ECT2L: variants seen among roughly 807,000 people sequenced by gnomAD.
The protein encoded by ECT2L is epithelial cell transforming 2 like.
A neutral mutation model predicts 122.8 loss-of-function variants in ECT2L; 126 were observed. The ratio of observed to expected loss-of-function variants is 1.03; its 90% CI spans 0.89 to 1.19. The LOEUF (loss-of-function observed/expected upper bound fraction) is 1.19, where lower values mean the gene tolerates loss of function less well. Ranked by LOEUF, ECT2L falls within the 50% of genes most tolerant of loss-of-function variation. The probability of loss-of-function intolerance (pLI) is 0.00; values close to 1 mark genes in which losing one functional copy is unlikely to be tolerated. For missense variants in ECT2L, 1,012 were observed against 1,064.1 expected (o/e 0.95, Z 0.68); for synonymous variants, 385 against 381.8 (o/e 1.01, Z -0.10).
intron 14 of ECT2L, chr6:138,879,142 G>A (rs1025528386): frequency 9.0e-6 from 2 of 221,502 alleles, no homozygotes; most frequent in Non-Finnish European, 1.8e-5. Flanking sequence ...TTGGCCATCT[G>A]ACAAATTGGA....
chr6:138,843,021 C>G lies in ECT2L; in HGVS notation c.385C>G (p.Leu129Val), dbSNP rs746975708. The change falls in exon 6 of 22, where the codon CTG (leucine) becomes GTG (valine). Residue 129 changes from leucine (L) to valine (V), a missense_variant. Physicochemically the swap from Leu to Val is conservative, Grantham distance 32 (BLOSUM62 1). Coordinates refer to ENST00000541398, the MANE Select transcript of ECT2L (RefSeq NM_001077706.3). ...CAAATGCGTTAAGTTCGGATGGTTT[C>G]TGCCCTATACTCCAACAGATAATGA... ...MPKCVKFGWF[L>V]PYTPTDNEYG... 1 of 1,593,704 alleles carries G rather than the reference C, an allele frequency of 6.3e-7. No individual in the cohort carries two copies. Among genetic ancestry groups the G allele is most frequent in the South Asian group, 1.1e-5 (1 of 88,298 alleles).
chr6:138,884,135 G>C (rs560221987), intron 16 of ECT2L, among the ~76,000 whole-genome samples: 20 of 152,216 alleles, frequency 1.3e-4, no homozygotes, highest in African/African-American at 4.8e-4. Context: ...CAAAGTGCTG[G>C]GATTACAGGT....
Position 138,902,694 on chromosome 6 carries a change from T to C in ECT2L, c.*67T>C, listed in dbSNP as rs1264343130. 6.4e-7 allele frequency: 1 copy of C among 1,569,638 alleles called. No individual in the cohort carries two copies. The highest frequency in any genetic ancestry group is 8.7e-7 in the Non-Finnish European group (1 of 1,147,282). On this transcript the variant is annotated 3_prime_UTR_variant, in exon 22 of 22. Transcript: ENST00000541398. ...AAAGACAGACAACATGTATTTTCTG[T>C]TCCAAAATATCCAGTAAGAAACAGA...
At chr6:138,839,022 C>T (rs571595318) in intron 5 of ECT2L, among the ~76,000 whole-genome samples, 69 of 152,304 alleles carry the variant, frequency 4.5e-4, no homozygotes, top group Admixed American at 2.2e-3. Flanking sequence ...CCTTGTGATC[C>T]GCCCGCCTCG....
intron 21 of ECT2L, 52 bp downstream of exon 21, chr6:138,901,172 T>C: frequency 7.1e-6 from 11 of 1,559,244 alleles, no homozygotes; most frequent in Non-Finnish European, 9.6e-6. Flanking sequence ...AGCTATATAA[T>C]GTAAAGCTCT....
rs571388572 is a variant in ECT2L at position 138,889,002 on chromosome 6, C to T, written c.2385C>T (p.Cys795=). The T allele has an allele frequency of 4.5e-6, 7 of 1,549,120 alleles. No homozygotes were observed. The highest frequency in any genetic ancestry group is 1.4e-5 in the African/African-American group (1 of 73,290). The change falls in exon 20 of 22, where the codon TGC becomes TGT. Residue 795 remains cysteine (C), a synonymous_variant. Coordinates refer to ENST00000541398, the MANE Select transcript of ECT2L (RefSeq NM_001077706.3). ...IRVQDVAQLH[C]CDEEISFSLR... is the part of the protein sequence containing the mutation. ...TACAAGATGTAGCCCAACTTCATTG[C>T]TGTGATGAAGAAATAAGTTTCTCTT...
chr6:138,869,925 T>C (rs952233449), intron 13 of ECT2L, among the ~76,000 whole-genome samples: 5 of 152,172 alleles, frequency 3.3e-5, no homozygotes. Flanking sequence ...TCCCATAAAA[T>C]TTTGGTGTCT....
intron 4 of ECT2L, among the ~76,000 whole-genome samples, chr6:138,832,354 G>T (rs550982146): frequency 6.6e-6 from 1 of 152,118 alleles, no homozygotes; most frequent in East Asian, 1.9e-4. Flanking sequence ...CTTCCCTCAT[G>T]GTGTTTTAGT....
At chr6:138,894,334 A>T (rs1432479661) in intron 20 of ECT2L, among the ~76,000 whole-genome samples, 2 of 151,992 alleles carry the variant, frequency 1.3e-5, no homozygotes, top group African/African-American at 4.8e-5. Flanking sequence ...GGATTACAGG[A>T]GTGAGCCACC....
chr6:138,891,678 G>C (rs1337585081), intron 20 of ECT2L, among the ~76,000 whole-genome samples: 3 of 152,158 alleles, frequency 2.0e-5, no homozygotes, highest in South Asian at 2.1e-4. Context: ...ATTGATGTTT[G>C]CCTGTAACTT....
intron 4 of ECT2L, among the ~76,000 whole-genome samples, chr6:138,837,908 T>TG (rs1285754141): frequency 1.3e-5 from 2 of 151,832 alleles, no homozygotes; most frequent in Admixed American, 6.6e-5. Flanking sequence ...AATACTTTTT[T>TG]TTTTTTTTTT....
rs35611410 is a variant in ECT2L at position 138,860,707 on chromosome 6, A to ATT, written c.1199-1901_1199-1900dup. ...TATATGTTGTGCCACTGAAGGGGCT[A>ATT]TTTTTTTTTTTTTTTTTTTTACTTT... is the stretch of plus-strand genomic sequence containing the variant. On this transcript the variant is annotated intron_variant, in intron 10 of 21. Coordinates refer to ENST00000541398, the MANE Select transcript of ECT2L (RefSeq NM_001077706.3). 8.6e-3 allele frequency among the ~76,000 whole-genome samples: 1,166 copies of ATT among 135,762 alleles called. 8 individuals are homozygous for ATT. The highest frequency in any genetic ancestry group is 0.032 in the South Asian group (136 of 4,202). 89.1% of individuals were successfully genotyped at this position (135,762 alleles called of 152,430 possible). A position where few individuals can be genotyped will look rare whatever the true frequency, so the allele number is the denominator to read the frequency against.
intron 4 of ECT2L, among the ~76,000 whole-genome samples, chr6:138,815,361 T>A (rs1463773410): frequency 1.3e-5 from 2 of 152,196 alleles, no homozygotes; most frequent in Admixed American, 1.3e-4. Flanking sequence ...TTTCGTGAAA[T>A]TCAAGATATG....
chr6:138,832,623 G>C (rs1363827647), intron 4 of ECT2L, among the ~76,000 whole-genome samples: 1 of 151,992 alleles, frequency 6.6e-6, no homozygotes, highest in Non-Finnish European at 1.5e-5. Flanking sequence ...GTGCTTCCTT[G>C]CTTCTTCCCT....
intron 12 of ECT2L, among the ~76,000 whole-genome samples, chr6:138,867,753 C>T (rs987443275): frequency 2.0e-5 from 3 of 151,668 alleles, no homozygotes; most frequent in Non-Finnish European, 4.4e-5. Flanking sequence ...TGCTTGAACC[C>T]AGGAGGCGGA....
intron 12 of ECT2L, among the ~76,000 whole-genome samples, chr6:138,867,052 C>T (rs1323246297): frequency 6.6e-6 from 1 of 151,196 alleles, no homozygotes; most frequent in Non-Finnish European, 1.5e-5. Context: ...CCAGCCTGGG[C>T]AACAGAATGA....
intron 13 of ECT2L, among the ~76,000 whole-genome samples, chr6:138,873,888 G>GTGTGTGTGTGTGTGTGTGTA (rs1253723810): frequency 2.4e-4 from 31 of 126,666 alleles, no homozygotes; most frequent in East Asian, 9.9e-4. Flanking sequence ...GTGTGTGTGT[G>GTGTGTGTGTGTGTGTGTGTA]TGTGTGTGTG....
intron 1 of ECT2L, among the ~76,000 whole-genome samples, chr6:138,803,076 C>CAA (rs57166230): frequency 1.9e-4 from 18 of 94,374 alleles, no homozygotes; most frequent in East Asian, 1.3e-3. Flanking sequence ...GAGACTGTCT[C>CAA]AAAAAAAAAA....
In ECT2L at chr6:138,902,820, C is replaced by A. The variant is rs1440879513; in HGVS notation, c.*193C>A. The A allele has an allele frequency of 1.8e-6, 1 of 561,826 alleles. No individual in the cohort carries two copies. The highest frequency in any genetic ancestry group is 2.9e-6 in the Non-Finnish European group (1 of 339,100). The allele number at this position is 561,826 out of a possible 1,614,324, so 34.8% of individuals were successfully genotyped here. ...CTCACTTATGTAGAATGTATAAGTA[C>A]ATTTTGAGTCCAAAATTTTGAACTA... On this transcript the variant is annotated 3_prime_UTR_variant, in exon 22 of 22. Transcript: ENST00000541398.
Sources: gnomAD v4.1 joint callset for allele counts (sites outside exome capture counted in the v4.1 genomes callset) on GRCh38, gnomAD v4.1.1 for gene constraint, MANE v1.5 for transcripts, NCBI Gene and HGNC (gene_info 2026-07-23, HGNC 2026-07-21) for gene names.